The following TAF15 variants were observed in gnomAD, a reference collection of about 807,000 sequenced individuals.
TAF15 encodes TATA-box binding protein associated factor 15.
Under a neutral mutation model 102.5 loss-of-function variants are expected in TAF15, and 37 were observed. That is an observed-to-expected ratio of 0.36 (90% confidence interval 0.28 to 0.47). The LOEUF (loss-of-function observed/expected upper bound fraction) is 0.47. TAF15 is among the 20% of genes least tolerant of loss of function. TAF15 has a pLI of 0.99. For synonymous variants in TAF15, 273 were observed against 259.2 expected (o/e 1.05, Z -0.51); for missense variants, 652 against 760.7 (o/e 0.86, Z 1.68).
intron 13 of TAF15, 57 bp from the exon 14 acceptor site, chr17:35,844,222 AG>A: frequency 6.2e-7 from 1 of 1,609,414 alleles, no homozygotes; most frequent in Admixed American, 1.7e-5. Flanking sequence ...GGATACAGAA[AG>A]GGGTTCTGAG....
At chr17:35,815,453 C>T (rs2087184227) in intron 1 of TAF15, among the ~76,000 whole-genome samples, 1 of 152,168 alleles carries the variant, frequency 6.6e-6, no homozygotes. Flanking sequence ...AGTTTTTAAG[C>T]TAGCCAGCTA....
intron 7 of TAF15, among the ~76,000 whole-genome samples, chr17:35,833,254 G>A (rs1442176175): frequency 6.6e-6 from 1 of 152,132 alleles, no homozygotes; most frequent in African/African-American, 2.4e-5. Flanking sequence ...ATGAACCTCC[G>A]TAGCTCTGAT....
Position 35,820,176 on chromosome 17 carries a change from T to C in TAF15, c.112T>C (p.Tyr38His). ...ACCTAAATTTCAGAGCTATTCTGGCTATGGGCAAACGACTGATTCCTCTTA... is the reference window on the plus strand; with the variant it reads ...ACCTAAATTTCAGAGCTATTCTGGCCATGGGCAAACGACTGATTCCTCTTA... ...YGQASQSYSG[Y>H]GQTTDSSYGQ... Residue 38 changes from tyrosine (Y) to histidine (H), a missense_variant, in exon 4 of 16, where the codon TAT (tyrosine) becomes CAT (histidine). Physicochemically the swap from Tyr to His is moderately conservative, Grantham distance 83. Transcript: ENST00000605844. 3.1e-6 allele frequency: 5 copies of C among 1,614,136 alleles called. No individual in the cohort carries two copies. The highest frequency in any genetic ancestry group is 4.2e-6 in the Non-Finnish European group (5 of 1,179,976).
intron 5 of TAF15, among the ~76,000 whole-genome samples, chr17:35,821,694 A>G (rs990036907): frequency 6.6e-6 from 1 of 152,202 alleles, no homozygotes; most frequent in African/African-American, 2.4e-5. Context: ...TAATTAATAC[A>G]GTAATATTGT....
chr17:35,844,583 T>C lies in TAF15; in HGVS notation c.1284T>C (p.Gly428=). 6.4e-7 allele frequency: 1 copy of C among 1,559,554 alleles called. No individual in the cohort carries two copies. The change falls in exon 15 of 16, where the codon GGT becomes GGC. Residue 428 remains glycine, a synonymous_variant. Transcript: ENST00000605844. ...GAGACAGAAGTGGGGGTGGCTATGG[T>C]GGAGACAGAAGCAGCGGTGGTGGCT... The part of the protein sequence containing the change: ...YGGDRSGGGY[G]GDRSSGGGYS...
At chr17:35,842,271 T>C in intron 11 of TAF15, 96 bp from the exon 12 acceptor site, 1 of 880,998 alleles carries the variant, frequency 1.1e-6, no homozygotes, top group Non-Finnish European at 1.9e-6. Context: ...TGTCAGTTAC[T>C]CCTCTGAAAC....
intron 6 of TAF15, chr17:35,823,543 CA>C (rs1385156149): frequency 0.011 from 1,678 of 149,754 alleles, no homozygotes; most frequent in South Asian, 0.036. Flanking sequence ...ACTAAAAATA[CA>C]AAAAAAAAAA....
rs780178015 is a variant in TAF15 at position 35,820,345 on chromosome 17, C to G, written c.198C>G (p.Ser66=). Residue 66 remains serine (S), a synonymous_variant, in exon 5 of 16, where the codon TCC becomes TCG. Coordinates refer to ENST00000605844, the MANE Select transcript of TAF15 (RefSeq NM_139215.3). ...TCTAATCTTTAGGTTATTCACAGTC[C>G]TATGGTGGTTATGAGAATCAAAAGC... ...YGQSQSGYSQ[S]YGGYENQKQS... is the part of the protein sequence containing the mutation. 2.4e-5 allele frequency: 39 copies of G among 1,613,808 alleles called. No individual in the cohort carries two copies. Among genetic ancestry groups the G allele is most frequent in the Non-Finnish European group, 3.1e-5 (37 of 1,179,916 alleles).
intron 10 of TAF15, 35 bp downstream of exon 10, chr17:35,836,276 A>G (rs759199545): frequency 3.6e-6 from 5 of 1,389,736 alleles, no homozygotes; most frequent in African/African-American, 1.4e-5. Context: ...AAATCTCATA[A>G]TTAATGTTCT....
intron 10 of TAF15, among the ~76,000 whole-genome samples, chr17:35,837,310 C>T (rs936033879): frequency 6.6e-6 from 1 of 151,018 alleles, no homozygotes; most frequent in Middle Eastern, 3.5e-3. Context: ...TGTCCTCACA[C>T]CCAGCTAGTT....
chr17:35,845,167 G>T, intron 15 of TAF15, 129 bp downstream of exon 15: 1 of 1,194,748 alleles, frequency 8.4e-7, no homozygotes, highest in South Asian at 1.3e-5. Flanking sequence ...TGGAGAAGAT[G>T]ATTTAGTTTC....
At chr17:35,823,771 A>T (rs2087293215) in intron 6 of TAF15, 1 of 345,082 alleles carries the variant, frequency 2.9e-6, no homozygotes, top group Non-Finnish European at 5.5e-6. Context: ...AGGTTCTTGT[A>T]GCTAAGATTG....
rs770974563 is a variant in TAF15, at chr17:35,844,767, C to CGAGGTGGAGGCT, written c.1469_1480dup (p.Gly493_Tyr494insTer). On this transcript the variant is annotated stop_gained and inframe_insertion, in exon 15 of 16. Coordinates refer to ENST00000605844, the MANE Select transcript of TAF15 (RefSeq NM_139215.3). LOFTEE classifies it high-confidence loss of function. ...AGATCGAGGTGGCTATGGAGGAGAC[C>CGAGGTGGAGGCT]GAGGTGGAGGCTATGGTGGAGACCG... 1 of 1,601,850 alleles carries CGAGGTGGAGGCT rather than the reference C, an allele frequency of 6.2e-7. No individual in the cohort carries two copies. The highest frequency in any genetic ancestry group is 8.5e-7 in the Non-Finnish European group (1 of 1,176,290).
chr17:35,844,723 G>A lies in TAF15; in HGVS notation c.1424G>A (p.Arg475Gln), dbSNP rs1227979250. 1.0e-5 allele frequency: 16 copies of A among 1,599,764 alleles called. No individual in the cohort carries two copies. Among genetic ancestry groups the A allele is most frequent in the African/African-American group, 1.3e-5 (1 of 74,744 alleles). ...GDRGGGYGGD[R>Q]GGGYGGDRGG... The stretch of plus-strand genomic sequence containing the variant: ...AGAGGAGGCGGCTATGGAGGAGACC[G>A]AGGAGGTGGCTATGGAGGAGATCGA... The change falls in exon 15 of 16, where the codon CGA becomes CAA. Residue 475 changes from arginine to glutamine, a missense_variant. Arg to Gln is a conservative substitution (Grantham distance 43, BLOSUM62 1). Around this residue, in one of 3 missense-constraint regions of TAF15, gnomAD observed 368 missense variants for 367.5 expected, o/e 1.00. Transcript: ENST00000605844.
rs777497777 is a variant in TAF15, at chr17:35,822,845, T to C, written c.484+12T>C. 1 of 1,613,286 alleles carries C rather than the reference T, an allele frequency of 6.2e-7. No individual in the cohort carries two copies. The highest frequency in any genetic ancestry group is 8.5e-7 in the Non-Finnish European group (1 of 1,179,292). ...CCACCACACACAAGGTAAGATTTACTGACCTCTATTATTATTTTTCCCCCT... is the reference window on the plus strand; with the variant it reads ...CCACCACACACAAGGTAAGATTTACCGACCTCTATTATTATTTTTCCCCCT... On this transcript the variant is annotated intron_variant, in intron 6 of 15. Transcript: ENST00000605844.
Position 35,844,131 on chromosome 17 carries a change from A to G in TAF15, c.1061A>G (p.Lys354Arg), listed in dbSNP as rs1376774152. Residue 354 changes from lysine (K) to arginine (R), a missense_variant, in exon 13 of 16, where the codon AAA becomes AGA. Physicochemically the swap from Lys to Arg is conservative, Grantham distance 26. Around this residue, in one of 3 missense-constraint regions of TAF15, gnomAD observed 368 missense variants for 367.5 expected, o/e 1.00. Transcript: ENST00000605844. ...GGFQGRGGDP[K>R]SGDWVCPNPS... The stretch of plus-strand genomic sequence containing the variant: ...TTTCAAGGGAGAGGTGGAGACCCCA[A>G]AAGTGGGGATTGGGTTTGCCCTAAT... 2 of 1,613,708 alleles carry G rather than the reference A, an allele frequency of 1.2e-6. No individual in the cohort carries two copies. The highest frequency in any genetic ancestry group is 8.5e-7 in the Non-Finnish European group (1 of 1,179,906).
intron 7 of TAF15, among the ~76,000 whole-genome samples, chr17:35,825,783 C>T (rs1477951184): frequency 3.3e-5 from 5 of 152,002 alleles, no homozygotes; most frequent in African/African-American, 1.2e-4. Flanking sequence ...CCCGTCTCTA[C>T]TAAAAATACA....
intron 1 of TAF15, chr17:35,809,989 C>T (rs1398989912): frequency 6.0e-6 from 2 of 331,998 alleles, no homozygotes; most frequent in South Asian, 3.1e-5. Flanking sequence ...TCGGGCCAGT[C>T]ATCTCGCCGC....
intron 15 of TAF15, 64 bp downstream of exon 15, chr17:35,845,102 C>A: frequency 6.2e-7 from 1 of 1,600,730 alleles, no homozygotes; most frequent in Non-Finnish European, 8.6e-7. Flanking sequence ...GGGATTTGAA[C>A]CACATTTTAA....
Sources: gnomAD v4.1 joint callset for allele counts (sites outside exome capture counted in the v4.1 genomes callset) on GRCh38, gnomAD v4.1.1 for gene constraint, gnomAD v4.1.1 regional missense constraint, MANE v1.5 for transcripts, NCBI Gene and HGNC (gene_info 2026-07-23, HGNC 2026-07-21) for gene names.